The following SLC8A3 variants were observed in gnomAD, a reference collection of about 807,000 sequenced individuals.
SLC8A3 encodes sodium/calcium exchanger 3.
In SLC8A3, 37 loss-of-function variants were observed where a neutral mutation model predicts 65.4. That is an observed-to-expected ratio of 0.57 (90% confidence interval 0.44 to 0.74). SLC8A3 has a LOEUF of 0.74. Ranked by LOEUF, SLC8A3 falls within the 30% of genes least tolerant of loss-of-function variation. SLC8A3 has a pLI of 0.00. For synonymous variants in SLC8A3, 461 were observed against 444.5 expected, an observed-to-expected ratio of 1.04 and a Z score of -0.47; for missense variants, 1,112 against 1,172.1, an observed-to-expected ratio of 0.95 and a Z score of 0.75.
intron 2 of SLC8A3, among the ~76,000 whole-genome samples, chr14:70,137,660 C>T (rs1327131319): frequency 6.6e-6 from 1 of 152,132 alleles, no homozygotes; most frequent in African/African-American, 2.4e-5. Flanking sequence ...ACCACCTGCT[C>T]AGAGGAGGAT....
At chr14:70,132,836 G>C (rs1894935554) in intron 2 of SLC8A3, among the ~76,000 whole-genome samples, 1 of 152,108 alleles carries the variant, frequency 6.6e-6, no homozygotes, top group Middle Eastern at 3.2e-3. Context: ...GCCCACCCTA[G>C]GCACTTGGGG....
chr14:70,170,947 T>C (rs1203502457), intron 1 of SLC8A3, among the ~76,000 whole-genome samples: 1 of 152,192 alleles, frequency 6.6e-6, no homozygotes, highest in African/African-American at 2.4e-5. Context: ...GTTGAAGATG[T>C]TCAGCATCCA....
chr14:70,184,798 G>C (rs1213699655), intron 1 of SLC8A3, among the ~76,000 whole-genome samples: 1 of 152,200 alleles, frequency 6.6e-6, no homozygotes, highest in Non-Finnish European at 1.5e-5. Flanking sequence ...GCCTGTCAGA[G>C]TAGGTGGCTG....
chr14:70,057,134 A>G (rs1888219259), intron 3 of SLC8A3, among the ~76,000 whole-genome samples: 1 of 152,172 alleles, frequency 6.6e-6, no homozygotes, highest in South Asian at 2.1e-4. Flanking sequence ...CAATCATCCT[A>G]TATTCACAGC....
At chr14:70,083,227 C>T (rs1184166744) in intron 2 of SLC8A3, among the ~76,000 whole-genome samples, 3 of 152,178 alleles carry the variant, frequency 2.0e-5, no homozygotes, top group African/African-American at 4.8e-5. Context: ...AGCATGAAGC[C>T]TTCTGATGAG....
intron 2 of SLC8A3, among the ~76,000 whole-genome samples, chr14:70,148,450 G>T (rs570460645): frequency 6.6e-6 from 1 of 152,158 alleles, no homozygotes; most frequent in Non-Finnish European, 1.5e-5. Context: ...TTGAGGAAAG[G>T]AATACAGAAG....
At chr14:70,052,139 G>T in intron 3 of SLC8A3, 25 bp from the exon 4 acceptor site, 2 of 1,577,430 alleles carry the variant, frequency 1.3e-6, no homozygotes, top group East Asian at 4.5e-5. Context: ...AATCAGACTC[G>T]CTTTAACACC....
Position 70,177,354 on chromosome 14 carries a change from T to C in SLC8A3, c.-62-8870A>G, listed in dbSNP as rs186656181. 3.1e-3 allele frequency among the ~76,000 whole-genome samples: 479 copies of C among 152,280 alleles called. 6 individuals carry two copies. In the Middle Eastern group the frequency reaches 0.034, roughly 11 times the overall value. The stretch of plus-strand genomic sequence containing the variant: ...CTGAATTTGAGTAATATGAACAAAA[T>C]ATAATCCCTCTAGAGAAGCACACAC... On this transcript the variant is annotated intron_variant, in intron 1 of 6. Transcript: ENST00000356921.
chr14:70,170,999 C>G (rs1897492682), intron 1 of SLC8A3, among the ~76,000 whole-genome samples: 1 of 152,184 alleles, frequency 6.6e-6, no homozygotes, highest in Non-Finnish European at 1.5e-5. Flanking sequence ...ATGATGTGCA[C>G]AAAGGCATTC....
At chr14:70,048,674 C>T (rs1280483791) in intron 6 of SLC8A3, 93 bp downstream of exon 6, 1 of 1,120,602 alleles carries the variant, frequency 8.9e-7, no homozygotes, top group East Asian at 2.5e-5. Flanking sequence ...AAGTTCAGAT[C>T]TGAGATGGTG....
chr14:70,046,375 G>T lies in SLC8A3; in HGVS notation c.2390-52C>A. ...ACTGGTAGGAGGCTAAGGTGTGCAG[G>T]GCTTGTCTTCCAGTATGCCCAAAAA... On this transcript the variant is annotated intron_variant, in intron 6 of 6. Transcript: ENST00000356921. This position sits in a 1 kb window ranked among gnomAD's most constrained non-coding sequence, Gnocchi z 4.2. 6.5e-7 allele frequency: 1 copy of T among 1,529,536 alleles called. No individual in the cohort carries two copies. 94.7% of individuals were successfully genotyped at this position (1,529,536 alleles called of 1,614,324 possible).
chr14:70,133,820 A>T (rs920624076), intron 2 of SLC8A3, among the ~76,000 whole-genome samples: 6 of 152,360 alleles, frequency 3.9e-5, no homozygotes, highest in Non-Finnish European at 7.3e-5. Context: ...TAATCAAGTC[A>T]AGAGAAAGCC....
intron 2 of SLC8A3, among the ~76,000 whole-genome samples, chr14:70,105,400 G>T (rs889612400): frequency 2.0e-5 from 3 of 152,026 alleles, no homozygotes; most frequent in African/African-American, 7.2e-5. Flanking sequence ...CTTTAAAAAA[G>T]TGAGAGAGGG....
chr14:70,119,049 A>G (rs576023828), intron 2 of SLC8A3, among the ~76,000 whole-genome samples: 1 of 152,234 alleles, frequency 6.6e-6, no homozygotes, highest in African/African-American at 2.4e-5. Context: ...ACCCCACAGG[A>G]CACTGCTCAG....
Position 70,166,874 on chromosome 14 carries a change from A to G in SLC8A3, c.1549T>C (p.Cys517Arg). The change falls in exon 2 of 7, where the codon TGT becomes CGT. Residue 517 changes from cysteine (C) to arginine (R), a missense_variant. Physicochemically the swap from Cys to Arg is radical, Grantham distance 180. Transcript: ENST00000356921. ...PLPRAVLASP[C>R]VATVTILDDD... ...TCCAAGATGGTAACTGTGGCCACAC[A>G]AGGGGAGGCTAGGACAGCCCGAGGC... is the stretch of plus-strand genomic sequence containing the variant. 6.2e-7 allele frequency: 1 copy of G among 1,614,110 alleles called. No individual in the cohort carries two copies. Among genetic ancestry groups the G allele is most frequent in the Non-Finnish European group, 8.5e-7 (1 of 1,179,976 alleles).
chr14:70,116,171 T>G (rs903673438), intron 2 of SLC8A3, among the ~76,000 whole-genome samples: 5 of 151,686 alleles, frequency 3.3e-5, no homozygotes, highest in African/African-American at 9.7e-5. Context: ...TGGGCCGGGG[T>G]GGCTGGGGAA....
chr14:70,120,577 C>T (rs1257265212), intron 2 of SLC8A3, among the ~76,000 whole-genome samples: 2 of 152,140 alleles, frequency 1.3e-5, no homozygotes, highest in Non-Finnish European at 2.9e-5. Context: ...TAAAATCCCT[C>T]GCAAGAATGG....
intron 1 of SLC8A3, among the ~76,000 whole-genome samples, chr14:70,171,596 T>C (rs1897540202): frequency 1.3e-5 from 2 of 151,258 alleles, no homozygotes; most frequent in Non-Finnish European, 3.0e-5. Context: ...AGGTCAGGAG[T>C]TCAAGGCCAG....
At chr14:70,140,879 C>A (rs761076688) in intron 2 of SLC8A3, among the ~76,000 whole-genome samples, 10 of 152,182 alleles carry the variant, frequency 6.6e-5, no homozygotes, top group Non-Finnish European at 1.3e-4. Context: ...TATCTGATTA[C>A]TTCCCCCTAA....
Sources: allele counts gnomAD v4.1 joint callset (sites outside exome capture counted in the v4.1 genomes callset), GRCh38; gene constraint gnomAD v4.1.1; non-coding constraint Gnocchi (gnomAD v3.1); transcripts MANE v1.5; gene names NCBI Gene and HGNC (gene_info 2026-07-23, HGNC 2026-07-21).